Variants in JAZF1 observed in about 807,000 individuals in gnomAD.
JAZF1 encodes the protein JAZF zinc finger 1.
Under a neutral mutation model 26.4 loss-of-function variants are expected in JAZF1, and 8 were observed. The observed-to-expected ratio is 0.30, with a 90% CI of 0.18 to 0.55. The LOEUF is 0.55. Among genes scored for constraint, JAZF1 ranks in the 20% least tolerant of loss-of-function variants. JAZF1 has a pLI of 0.94. For synonymous variants in JAZF1, 126 were observed against 122.3 expected, an observed-to-expected ratio of 1.03 and a Z score of -0.20; for missense variants, 199 against 322.0, an observed-to-expected ratio of 0.62 and a Z score of 2.92.
At chr7:27,967,410 C>T (rs1274406039) in intron 2 of JAZF1, among the ~76,000 whole-genome samples, 2 of 151,996 alleles carry the variant, frequency 1.3e-5, no homozygotes, top group Non-Finnish European at 1.5e-5. Flanking sequence ...TCTGACTGTC[C>T]GATCCCTCTC....
intron 2 of JAZF1, among the ~76,000 whole-genome samples, chr7:27,949,645 C>G (rs1327292684): frequency 6.6e-6 from 1 of 152,186 alleles, no homozygotes; most frequent in Non-Finnish European, 1.5e-5. Flanking sequence ...TGCCTGTAAT[C>G]CCAGCTACTC....
At chr7:28,119,502 T>A (rs1784803421) in intron 1 of JAZF1, among the ~76,000 whole-genome samples, 1 of 152,172 alleles carries the variant, frequency 6.6e-6, no homozygotes, top group African/African-American at 2.4e-5. Flanking sequence ...GATGTCTCCA[T>A]CCTGCCCGTC....
intron 1 of JAZF1, among the ~76,000 whole-genome samples, chr7:28,062,685 A>C (rs1331445222): frequency 2.6e-5 from 4 of 152,154 alleles, no homozygotes; most frequent in Non-Finnish European, 5.9e-5. Context: ...GTCTGAACCC[A>C]GCCTTGGGGA....
At chr7:27,942,051 G>C (rs1034830414) in intron 2 of JAZF1, among the ~76,000 whole-genome samples, 5 of 152,206 alleles carry the variant, frequency 3.3e-5, no homozygotes, top group Non-Finnish European at 7.3e-5. Context: ...CACCTCACTG[G>C]GGGCTGGGTG....
At chr7:27,862,598 G>C (rs1783404475) in intron 3 of JAZF1, among the ~76,000 whole-genome samples, 1 of 152,126 alleles carries the variant, frequency 6.6e-6, no homozygotes, top group African/African-American at 2.4e-5. Context: ...CTCCAGATCT[G>C]GAGGCTTTCT....
At chr7:27,981,870 T>C (rs1785591909) in intron 2 of JAZF1, among the ~76,000 whole-genome samples, 1 of 152,244 alleles carries the variant, frequency 6.6e-6, no homozygotes, top group South Asian at 2.1e-4. Flanking sequence ...ACCACTGCAC[T>C]TGATTCAAGT....
intron 3 of JAZF1, among the ~76,000 whole-genome samples, chr7:27,890,130 G>T (rs1783944266): frequency 6.6e-6 from 1 of 152,134 alleles, no homozygotes; most frequent in South Asian, 2.1e-4. Flanking sequence ...AACTAAGTAA[G>T]ATTAATCTGG....
At chr7:27,903,009 C>T (rs62451118) in intron 2 of JAZF1, among the ~76,000 whole-genome samples, 1 of 106,028 alleles carries the variant, frequency 9.4e-6, no homozygotes, top group East Asian at 2.9e-4. Context: ...GAGCGAGACT[C>T]CGTCTTAAAA....
intron 3 of JAZF1, among the ~76,000 whole-genome samples, chr7:27,879,180 GAGGGTAA>G (rs1257093995): frequency 1.3e-5 from 2 of 152,166 alleles, no homozygotes; most frequent in Non-Finnish European, 2.9e-5. Flanking sequence ...CACTGACCTT[GAGGGTAA>G]GGCCAATCTT....
At chr7:28,101,576 TAAAAAAAAAA>T (rs56321937) in intron 1 of JAZF1, among the ~76,000 whole-genome samples, 2 of 97,998 alleles carry the variant, frequency 2.0e-5, no homozygotes, top group Admixed American at 1.2e-4. Context: ...ATTTCTATAT[TAAAAAAAAAA>T]AAAAAAAAAA....
At chr7:27,873,063 A>T (rs1216379027) in intron 3 of JAZF1, among the ~76,000 whole-genome samples, 4 of 152,210 alleles carry the variant, frequency 2.6e-5, no homozygotes, top group Non-Finnish European at 5.9e-5. Flanking sequence ...GCGACGGGGT[A>T]GGTTTCTATC....
chr7:28,035,891 T>C (rs906522735), intron 1 of JAZF1, among the ~76,000 whole-genome samples: 1 of 152,058 alleles, frequency 6.6e-6, no homozygotes. Context: ...AATAAATACA[T>C]GAAAATAAAG....
chr7:27,917,325 T>C (rs532645831), intron 2 of JAZF1, among the ~76,000 whole-genome samples: 1 of 152,216 alleles, frequency 6.6e-6, no homozygotes, highest in African/African-American at 2.4e-5. Flanking sequence ...CTCTCCTCAC[T>C]CTCAACTCTG....
At chr7:28,013,665 G>A (rs1357039603) in intron 1 of JAZF1, among the ~76,000 whole-genome samples, 1 of 152,156 alleles carries the variant, frequency 6.6e-6, no homozygotes, top group African/African-American at 2.4e-5. Flanking sequence ...GTAACGGGCT[G>A]CAGGATCTGA....
intron 2 of JAZF1, among the ~76,000 whole-genome samples, chr7:27,919,412 AAAACCTG>A (rs1273087060): frequency 6.6e-6 from 1 of 152,228 alleles, no homozygotes; most frequent in Non-Finnish European, 1.5e-5. Flanking sequence ...CATTCATGCT[AAAACCTG>A]TGATGAGAGT....
At chr7:27,907,487 G>A (rs1440083223) in intron 2 of JAZF1, among the ~76,000 whole-genome samples, 1 of 152,204 alleles carries the variant, frequency 6.6e-6, no homozygotes, top group Non-Finnish European at 1.5e-5. Flanking sequence ...GCTAAGATAG[G>A]TATCGAAGCC....
At chr7:27,869,468 C>T (rs1365086834) in intron 3 of JAZF1, among the ~76,000 whole-genome samples, 1 of 152,158 alleles carries the variant, frequency 6.6e-6, no homozygotes, top group Non-Finnish European at 1.5e-5. Context: ...CTCGACGGCA[C>T]CAACATGGAG....
intron 3 of JAZF1, among the ~76,000 whole-genome samples, chr7:27,862,831 A>G (rs544591410): frequency 6.6e-6 from 1 of 152,282 alleles, no homozygotes; most frequent in South Asian, 2.1e-4. Flanking sequence ...TCACCTTTTT[A>G]AACTGGAAGT....
At chr7:27,876,103 G>A (rs1783674994) in intron 3 of JAZF1, among the ~76,000 whole-genome samples, 1 of 152,188 alleles carries the variant, frequency 6.6e-6, no homozygotes, top group Non-Finnish European at 1.5e-5. Context: ...GTGTGTGAAT[G>A]ACCTGGTTAG....
Sources: gnomAD v4.1 joint callset for allele counts (sites outside exome capture counted in the v4.1 genomes callset) on GRCh38, gnomAD v4.1.1 for gene constraint, MANE v1.5 for transcripts, NCBI Gene and HGNC (gene_info 2026-07-23, HGNC 2026-07-21) for gene names.